The following DPP10 variants were observed in gnomAD, a reference collection of about 807,000 sequenced individuals.
DPP10 encodes the protein dipeptidyl peptidase like 10, also known as inactive dipeptidyl peptidase 10.
A neutral mutation model predicts 120.9 loss-of-function variants in DPP10; 33 were observed. The ratio of observed to expected loss-of-function variants is 0.27; its 90% CI spans 0.21 to 0.37. The LOEUF (loss-of-function observed/expected upper bound fraction) is 0.37, where lower values mean the gene tolerates loss of function less well. DPP10 is among the 10% of genes least tolerant of loss of function. The probability of loss-of-function intolerance (pLI) is 1.00; values close to 1 mark genes in which losing one functional copy is unlikely to be tolerated. For synonymous variants in DPP10, 337 were observed against 326.1 expected (o/e 1.03, Z -0.36); for missense variants, 816 against 942.8 (o/e 0.87, Z 1.76).
intron 5 of DPP10, among the ~76,000 whole-genome samples, chr2:115,685,415 C>T (rs2090933609): frequency 6.6e-6 from 1 of 151,944 alleles, no homozygotes; most frequent in African/African-American, 2.4e-5. Flanking sequence ...TGAACCATGA[C>T]CTACAACAGA....
intron 1 of DPP10, among the ~76,000 whole-genome samples, chr2:114,691,023 T>A (rs1425453576): frequency 6.6e-6 from 1 of 152,054 alleles, no homozygotes; most frequent in Non-Finnish European, 1.5e-5. Flanking sequence ...ATAAAGATAA[T>A]CTGACTTCCT....
intron 5 of DPP10, among the ~76,000 whole-genome samples, chr2:115,571,012 T>C (rs962537394): frequency 4.6e-5 from 7 of 152,200 alleles, no homozygotes; most frequent in African/African-American, 1.7e-4. Context: ...GTTGTGGAAA[T>C]GCAGAGGCAG....
chr2:115,222,444 T>C (rs2105427024), intron 1 of DPP10, among the ~76,000 whole-genome samples: 1 of 152,250 alleles, frequency 6.6e-6, no homozygotes, highest in Non-Finnish European at 1.5e-5. Flanking sequence ...TGATAATACA[T>C]AAGTCTCATG....
chr2:115,259,911 T>C (rs1409866419), intron 1 of DPP10, among the ~76,000 whole-genome samples: 4 of 152,204 alleles, frequency 2.6e-5, no homozygotes, highest in African/African-American at 9.6e-5. Flanking sequence ...ATACTTGATT[T>C]AGTATATCTA....
At chr2:115,576,524 T>C (rs1470308340) in intron 5 of DPP10, among the ~76,000 whole-genome samples, 1 of 152,196 alleles carries the variant, frequency 6.6e-6, no homozygotes, top group Non-Finnish European at 1.5e-5. Flanking sequence ...AGTTGAATAT[T>C]TCATGATATT....
At chr2:114,657,735 G>T (rs1044024222) in intron 1 of DPP10, among the ~76,000 whole-genome samples, 3 of 152,050 alleles carry the variant, frequency 2.0e-5, no homozygotes, top group Non-Finnish European at 2.9e-5. Flanking sequence ...TGAAAAAATT[G>T]GTTAAGCTTC....
intron 5 of DPP10, among the ~76,000 whole-genome samples, chr2:115,611,362 C>G (rs1313217491): frequency 6.6e-6 from 1 of 152,128 alleles, no homozygotes; most frequent in Non-Finnish European, 1.5e-5. Context: ...AATGAAATAT[C>G]ATATTAGAGA....
At chr2:115,669,731 T>C (rs1372567074) in intron 5 of DPP10, among the ~76,000 whole-genome samples, 1 of 152,130 alleles carries the variant, frequency 6.6e-6, no homozygotes, top group Non-Finnish European at 1.5e-5. Context: ...TGCATGATGC[T>C]TATTAGCTCT....
At chr2:115,208,828 G>A (rs192335002) in intron 1 of DPP10, among the ~76,000 whole-genome samples, 3 of 152,204 alleles carry the variant, frequency 2.0e-5, no homozygotes, top group African/African-American at 7.2e-5. Context: ...CAACATCATC[G>A]TTTCAAATTA....
At chr2:114,709,209 G>A (rs1700872109) in intron 1 of DPP10, among the ~76,000 whole-genome samples, 1 of 152,162 alleles carries the variant, frequency 6.6e-6, no homozygotes, top group Non-Finnish European at 1.5e-5. Context: ...AGGAGCCTGG[G>A]TACTTTCTTC....
At chr2:114,931,311 G>A (rs914897215) in intron 1 of DPP10, among the ~76,000 whole-genome samples, 1 of 152,188 alleles carries the variant, frequency 6.6e-6, no homozygotes, top group Admixed American at 6.5e-5. Flanking sequence ...CACAGCACTA[G>A]CATCTGCATC....
At chr2:114,495,279 C>T (rs565180054) in intron 1 of DPP10, among the ~76,000 whole-genome samples, 1 of 152,248 alleles carries the variant, frequency 6.6e-6, no homozygotes, top group African/African-American at 2.4e-5. Flanking sequence ...GCTTCAAAGT[C>T]CATTAATTCA....
chr2:115,089,941 G>T (rs1261171559), intron 1 of DPP10, among the ~76,000 whole-genome samples: 2 of 152,020 alleles, frequency 1.3e-5, no homozygotes, highest in Non-Finnish European at 2.9e-5. Context: ...GGAATAGTTT[G>T]GTTCCCTGTG....
chr2:115,129,737 T>C (rs764779766), intron 1 of DPP10, among the ~76,000 whole-genome samples: 3 of 152,162 alleles, frequency 2.0e-5, no homozygotes, highest in Admixed American at 6.5e-5. Context: ...TTACTTCTCA[T>C]AGTGTTGTCA....
chr2:115,751,482 G>T (rs1678700678), intron 10 of DPP10, among the ~76,000 whole-genome samples: 1 of 152,106 alleles, frequency 6.6e-6, no homozygotes, highest in Admixed American at 6.5e-5. Context: ...TGAGTTTAAA[G>T]GCAGTTTTCA....
chr2:115,252,297 T>C (rs990469442), intron 1 of DPP10, among the ~76,000 whole-genome samples: 2 of 152,222 alleles, frequency 1.3e-5, no homozygotes, highest in Non-Finnish European at 2.9e-5. Flanking sequence ...AACTCATCCC[T>C]GTCCCTTCAA....
intron 1 of DPP10, among the ~76,000 whole-genome samples, chr2:114,994,113 C>A (rs1295914705): frequency 6.6e-6 from 1 of 152,210 alleles, no homozygotes; most frequent in Non-Finnish European, 1.5e-5. Flanking sequence ...GTATTCTGGG[C>A]TTGGTTTTTT....
At chr2:114,829,228 A>T (rs1191118635) in intron 1 of DPP10, among the ~76,000 whole-genome samples, 7 of 151,962 alleles carry the variant, frequency 4.6e-5, no homozygotes, top group East Asian at 1.9e-4. Flanking sequence ...CAGCAGAGGT[A>T]GCAGTGAGCC....
intron 1 of DPP10, among the ~76,000 whole-genome samples, chr2:114,959,751 T>C (rs76759967): frequency 6.6e-6 from 1 of 152,324 alleles, no homozygotes; most frequent in South Asian, 2.1e-4. Flanking sequence ...TCTTTTTCAA[T>C]GTAACTGTTC....
Sources: gnomAD v4.1 joint callset for allele counts (sites outside exome capture counted in the v4.1 genomes callset) on GRCh38, gnomAD v4.1.1 for gene constraint, MANE v1.5 for transcripts, NCBI Gene and HGNC (gene_info 2026-07-23, HGNC 2026-07-21) for gene names.